TACR1: variants seen among roughly 807,000 people sequenced by gnomAD.
The protein encoded by TACR1 is substance-P receptor.
Under a neutral mutation model 35.8 loss-of-function variants are expected in TACR1, and 25 were observed. That is an observed-to-expected ratio of 0.70 (90% confidence interval 0.51 to 0.98). The LOEUF is 0.98. TACR1 is among the 50% of genes least tolerant of loss of function. The pLI is 0.00. For missense variants in TACR1, 478 were observed against 522.9 expected, an observed-to-expected ratio of 0.91 and a Z score of 0.84; for synonymous variants, 195 against 206.7, an observed-to-expected ratio of 0.94 and a Z score of 0.48.
At chr2:75,078,230 C>T (rs1426808643) in intron 2 of TACR1, among the ~76,000 whole-genome samples, 1 of 151,948 alleles carries the variant, frequency 6.6e-6, no homozygotes, top group African/African-American at 2.4e-5. Context: ...GTTCAGTGCC[C>T]CCATTCAGAT....
intron 1 of TACR1, among the ~76,000 whole-genome samples, chr2:75,178,733 A>C (rs1027798535): frequency 2.6e-5 from 4 of 152,154 alleles, no homozygotes; most frequent in African/African-American, 9.7e-5. Flanking sequence ...TTAACTTCTC[A>C]GCAGTTTATG....
intron 2 of TACR1, among the ~76,000 whole-genome samples, chr2:75,063,905 G>A (rs1023027058): frequency 7.2e-5 from 11 of 152,110 alleles, no homozygotes; most frequent in African/African-American, 1.7e-4. Flanking sequence ...CATTTCTTAC[G>A]AAGAAGGTTA....
intron 1 of TACR1, among the ~76,000 whole-genome samples, chr2:75,141,914 T>C (rs991648928): frequency 6.6e-6 from 1 of 152,210 alleles, no homozygotes; most frequent in Non-Finnish European, 1.5e-5. Flanking sequence ...GGGCTCTAGC[T>C]GGCTTCTCTC....
At position 75,051,242 on chromosome 2, in the gene TACR1, G is replaced by A. The variant is rs749440938; in HGVS notation, c.932+9C>T. ...GCCCCTGGAGAGCTCATGGGGTTGG[G>A]ATCCTCACCTGTCATTGAGGCAGCA... On this transcript the variant is annotated intron_variant, in intron 4 of 4. Coordinates refer to ENST00000305249, the MANE Select transcript of TACR1 (RefSeq NM_001058.4). 1.2e-6 allele frequency: 2 copies of A among 1,614,108 alleles called. No individual in the cohort carries two copies. Among genetic ancestry groups the A allele is most frequent in the Non-Finnish European group, 1.7e-6 (2 of 1,180,014 alleles).
intron 1 of TACR1, among the ~76,000 whole-genome samples, chr2:75,136,697 T>G (rs1396893936): frequency 6.6e-6 from 1 of 152,228 alleles, no homozygotes; most frequent in Non-Finnish European, 1.5e-5. Context: ...GCTTTAACTT[T>G]TCCATCACAC....
chr2:75,110,394 A>G (rs1400185145), intron 2 of TACR1, among the ~76,000 whole-genome samples: 1 of 152,026 alleles, frequency 6.6e-6, no homozygotes, highest in African/African-American at 2.4e-5. Context: ...TATTTTCAGT[A>G]TAGATAAATT....
chr2:75,174,473 G>C (rs1386894955), intron 1 of TACR1, among the ~76,000 whole-genome samples: 2 of 152,164 alleles, frequency 1.3e-5, no homozygotes, highest in African/African-American at 4.8e-5. Context: ...TCCTGGGTGG[G>C]CTGGAGTGGG....
chr2:75,072,054 C>T (rs1263358479), intron 2 of TACR1, among the ~76,000 whole-genome samples: 1 of 152,062 alleles, frequency 6.6e-6, no homozygotes, highest in Non-Finnish European at 1.5e-5. Flanking sequence ...GGAGTGGCAG[C>T]CAGGAGGCCA....
intron 2 of TACR1, among the ~76,000 whole-genome samples, chr2:75,086,257 G>C (rs920354513): frequency 1.3e-5 from 2 of 152,204 alleles, no homozygotes. Flanking sequence ...GGCTATGCAT[G>C]TCAAGTCTAG....
At chr2:75,175,897 A>G (rs1675400807) in intron 1 of TACR1, among the ~76,000 whole-genome samples, 2 of 151,984 alleles carry the variant, frequency 1.3e-5, no homozygotes, top group South Asian at 4.1e-4. Context: ...TTTTCTCAGA[A>G]GCTAACTACC....
intron 1 of TACR1, among the ~76,000 whole-genome samples, chr2:75,163,974 A>G (rs12713834): frequency 0.58 from 88,486 of 151,830 alleles, 25,934 homozygotes; most frequent in African/African-American, 0.61. Flanking sequence ...TGAAAAAAAA[A>G]ATCTCCTAAA....
intron 1 of TACR1, among the ~76,000 whole-genome samples, chr2:75,121,406 C>G (rs181135171): frequency 6.6e-6 from 1 of 152,202 alleles, no homozygotes; most frequent in African/African-American, 2.4e-5. Context: ...CTGAGGCAGA[C>G]AGACTAGAGT....
At chr2:75,099,929 C>T (rs1021852027) in intron 2 of TACR1, among the ~76,000 whole-genome samples, 2 of 152,202 alleles carry the variant, frequency 1.3e-5, no homozygotes, top group Non-Finnish European at 2.9e-5. Context: ...GGATGCATTT[C>T]ACAGGCGTTT....
intron 2 of TACR1, among the ~76,000 whole-genome samples, chr2:75,091,749 GA>G (rs1225872448): frequency 5.3e-5 from 8 of 152,288 alleles, no homozygotes; most frequent in Non-Finnish European, 8.8e-5. Context: ...CAAAACTTAA[GA>G]AGAGGGATTC....
chr2:75,144,488 A>G (rs1476601140), intron 1 of TACR1, among the ~76,000 whole-genome samples: 3 of 152,238 alleles, frequency 2.0e-5, no homozygotes, highest in Non-Finnish European at 4.4e-5. Flanking sequence ...ACTTGGAACC[A>G]TGGACATACA....
intron 1 of TACR1, among the ~76,000 whole-genome samples, chr2:75,144,753 G>T (rs1226665334): frequency 6.6e-6 from 1 of 152,134 alleles, no homozygotes; most frequent in Non-Finnish European, 1.5e-5. Flanking sequence ...AAAATTAAAT[G>T]TGAATTTATC....
chr2:75,098,315 C>T (rs901010147), intron 2 of TACR1, among the ~76,000 whole-genome samples: 1 of 152,048 alleles, frequency 6.6e-6, no homozygotes, highest in African/African-American at 2.4e-5. Flanking sequence ...TGAGCATTTT[C>T]TCATGTTATC....
Position 75,199,070 on chromosome 2 carries a change from T to G in TACR1, c.-136A>C, listed in dbSNP as rs200128102. The G allele has an allele frequency of 8.1e-6, 9 of 1,109,718 alleles. No homozygotes were observed. Among genetic ancestry groups the G allele is most frequent in the Middle Eastern group, 3.1e-4 (1 of 3,236 alleles). 68.7% of individuals were successfully genotyped at this position (1,109,718 alleles called of 1,614,324 possible). A position where few individuals can be genotyped will look rare whatever the true frequency, so the allele number is the denominator to read the frequency against. ...GGAAGGCTTTTTCTGGGCAGCACTCTTTTTGAAAGCTGAACTGGCGCTCAG... is the reference window on the plus strand; with the variant it reads ...GGAAGGCTTTTTCTGGGCAGCACTCGTTTTGAAAGCTGAACTGGCGCTCAG... On this transcript the variant is annotated 5_prime_UTR_variant, in exon 1 of 5. Coordinates refer to ENST00000305249, the MANE Select transcript of TACR1 (RefSeq NM_001058.4).
At position 75,154,503 on chromosome 2, in the gene TACR1, C is replaced by CACACACAG. The variant is rs1553380991; in HGVS notation, c.390-33736_390-33735insCTGTGTGT. On this transcript the variant is annotated intron_variant, in intron 1 of 4. Coordinates refer to ENST00000305249, the MANE Select transcript of TACR1 (RefSeq NM_001058.4). ...CACTAACCCACCACACACACACACA[C>CACACACAG]ACACACACACACACACACACACACT... 256 of 134,154 alleles carry CACACACAG rather than the reference C, an allele frequency of 1.9e-3. 20 individuals are homozygous for CACACACAG. The highest frequency in any genetic ancestry group is 7.5e-3 in the African/African-American group (247 of 32,898). The allele number at this position is 134,154 out of a possible 1,614,324, so 8.3% of individuals were successfully genotyped here. A position where few individuals can be genotyped will look rare whatever the true frequency, so the allele number is the denominator to read the frequency against.
Sources: gnomAD v4.1 joint callset for allele counts (sites outside exome capture counted in the v4.1 genomes callset) on GRCh38, gnomAD v4.1.1 for gene constraint, MANE v1.5 for transcripts, NCBI Gene and HGNC (gene_info 2026-07-23, HGNC 2026-07-21) for gene names.